The following PSORS1C1 variants were observed in gnomAD, a reference collection of about 807,000 sequenced individuals.
PSORS1C1 encodes psoriasis susceptibility 1 candidate gene 1 protein.
PSORS1C1 carries 7 observed loss-of-function variants against 9.4 expected under a neutral mutation model. That is an observed-to-expected ratio of 0.75 (90% CI 0.42 to 1.40). The LOEUF is 1.40. Among genes scored for constraint, PSORS1C1 ranks in the 40% most tolerant of loss-of-function variants. The pLI, the probability that PSORS1C1 is intolerant of heterozygous loss-of-function variation, is 0.01. For missense variants in PSORS1C1, 146 were observed against 178.1 expected (o/e 0.82, Z 1.02); for synonymous variants, 63 against 69.4 (o/e 0.91, Z 0.46).
intron 1 of PSORS1C1, among the ~76,000 whole-genome samples, chr6:31,123,908 G>C (rs917207715): frequency 1.3e-5 from 2 of 152,330 alleles, no homozygotes; most frequent in African/African-American, 4.8e-5. Context: ...TGGCTTCAGG[G>C]AGGTGGCAGG....
chr6:31,114,880 G>A lies in PSORS1C1; in HGVS notation c.-240G>A. On this transcript the variant is annotated 5_prime_UTR_variant, in exon 1 of 6. It removes an upstream start codon present in the reference 5' UTR. Coordinates refer to ENST00000259881, the MANE Select transcript of PSORS1C1 (RefSeq NM_014068.3). ...GAGACTCATGACTCCCAGAGAGGAT[G>A]GCATCTAGAAGGTGAGGAATGCTAA... 4.4e-6 allele frequency: 2 copies of A among 455,878 alleles called. No individual in the cohort carries two copies. The highest frequency in any genetic ancestry group is 8.8e-6 in the Non-Finnish European group (2 of 226,708). 28.2% of individuals were successfully genotyped at this position (455,878 alleles called of 1,614,324 possible).
intron 3 of PSORS1C1, chr6:31,138,205 G>A (rs1464993856): frequency 1.3e-6 from 2 of 1,572,014 alleles, no homozygotes; most frequent in Non-Finnish European, 1.7e-6. Context: ...CCTGGCCAAG[G>A]GTCACCGGGG....
chr6:31,116,725 T>C, intron 1 of PSORS1C1: 2 of 1,612,824 alleles, frequency 1.2e-6, no homozygotes, highest in Non-Finnish European at 1.7e-6. Flanking sequence ...ACCCACCACC[T>C]CGTAGCCACC....
In PSORS1C1 at chr6:31,139,936, T is replaced by C; in HGVS notation, c.*4T>C. On this transcript the variant is annotated 3_prime_UTR_variant, in exon 6 of 6. Transcript: ENST00000259881. This position sits in a 1 kb window ranked among gnomAD's most constrained non-coding sequence, Gnocchi z 5.2. ...TGGTCTCAGCTCCTTGATCTAAGCC[T>C]CCCAGAGAGACCCCTAGAACGTTTC... 1.2e-6 allele frequency: 2 copies of C among 1,604,960 alleles called. No homozygotes were observed. Among genetic ancestry groups the C allele is most frequent in the Non-Finnish European group, 1.7e-6 (2 of 1,174,880 alleles).
At chr6:31,117,207 G>T in intron 1 of PSORS1C1, 2 of 1,614,070 alleles carry the variant, frequency 1.2e-6, no homozygotes, top group Non-Finnish European at 1.7e-6. Flanking sequence ...GAGAGCTGCT[G>T]CTCCCCAGCT....
In PSORS1C1 at chr6:31,138,643, C is replaced by A. The variant is rs1463636565; in HGVS notation, c.44-13C>A. On this transcript the variant is annotated splice_polypyrimidine_tract_variant and intron_variant, in intron 4 of 5. Transcript: ENST00000259881. ...AACCTGCAACCCAAAGTGGGTTACA[C>A]CTTGGCCCCCAGGCACACAGACCCC... 2 of 1,613,148 alleles carry A rather than the reference C, an allele frequency of 1.2e-6. No individual in the cohort carries two copies. The highest frequency in any genetic ancestry group is 3.3e-5 in the Admixed American group (2 of 60,006).
At chr6:31,120,646 CG>C (rs947916329) in intron 1 of PSORS1C1, among the ~76,000 whole-genome samples, 24 of 152,100 alleles carry the variant, frequency 1.6e-4, no homozygotes, top group African/African-American at 5.3e-4. Context: ...CCCATGGCCA[CG>C]GGGCTCTAAC....
intron 1 of PSORS1C1, chr6:31,117,095 A>C (rs1314718706): frequency 6.2e-7 from 1 of 1,614,208 alleles, no homozygotes; most frequent in Non-Finnish European, 8.5e-7. Context: ...GGCAGAGCAG[A>C]GCCATTCCCT....
chr6:31,118,843 C>CTTCTTTTTTTTTT (rs750733706), intron 1 of PSORS1C1: 2 of 120,758 alleles, frequency 1.7e-5, no homozygotes, highest in African/African-American at 6.2e-5. Flanking sequence ...TCTTCTTCTT[C>CTTCTTTTTTTTTT]TTTTTTTTTT....
intron 3 of PSORS1C1, among the ~76,000 whole-genome samples, chr6:31,131,135 C>G (rs759845473): frequency 6.6e-6 from 1 of 152,166 alleles, no homozygotes; most frequent in Non-Finnish European, 1.5e-5. Flanking sequence ...ACCTGTCTCT[C>G]CAACATGTCT....
chr6:31,120,662 C>G (rs927939655), intron 1 of PSORS1C1, among the ~76,000 whole-genome samples: 1 of 152,146 alleles, frequency 6.6e-6, no homozygotes, highest in African/African-American at 2.4e-5. Context: ...TCTAACGATC[C>G]TGCCACCTGA....
intron 3 of PSORS1C1, among the ~76,000 whole-genome samples, chr6:31,137,143 T>A (rs1365853938): frequency 5.5e-5 from 7 of 126,746 alleles, no homozygotes; most frequent in African/African-American, 1.8e-4. Flanking sequence ...TGAGACTCCG[T>A]CTAAAAAAAA....
At position 31,120,395 on chromosome 6, in the gene PSORS1C1, T is replaced by A. The variant is rs778040184; in HGVS notation, c.-228-5281T>A. 10 of 1,591,990 alleles carry A rather than the reference T, an allele frequency of 6.3e-6. No homozygotes were observed. Among genetic ancestry groups the A allele is most frequent in the Non-Finnish European group, 8.5e-6 (10 of 1,170,050 alleles). On this transcript the variant is annotated intron_variant, in intron 1 of 5. Coordinates refer to ENST00000259881, the MANE Select transcript of PSORS1C1 (RefSeq NM_014068.3). ...ATCCCGTGCCCACCCACACGCCCCATCCAGGGTGCCCGAGACGAGCCCATC... is the reference window on the plus strand; with the variant it reads ...ATCCCGTGCCCACCCACACGCCCCAACCAGGGTGCCCGAGACGAGCCCATC...
chr6:31,117,447 G>A, intron 1 of PSORS1C1: 1 of 1,557,992 alleles, frequency 6.4e-7, no homozygotes, highest in Non-Finnish European at 8.7e-7. Context: ...CCTTCCCAGT[G>A]AGGCAGGGGT....
At chr6:31,126,408 C>T (rs184398091) in intron 2 of PSORS1C1, among the ~76,000 whole-genome samples, 3 of 152,312 alleles carry the variant, frequency 2.0e-5, no homozygotes, top group Non-Finnish European at 4.4e-5. Context: ...TGCAGCATAA[C>T]GAGTTGCCCC....
rs928109653 is a variant in PSORS1C1, at chr6:31,132,434, A to C, written c.13+2789A>C. Reference sequence around the variant, plus strand: ...CTACTCAGGAAGCAGAGGCAGGAGAATCGCTTGAACTCAGGAGGCGGAGAT... The same window carrying C: ...CTACTCAGGAAGCAGAGGCAGGAGACTCGCTTGAACTCAGGAGGCGGAGAT... On this transcript the variant is annotated intron_variant, in intron 3 of 5. Transcript: ENST00000259881. Among the ~76,000 whole-genome samples the C allele has an allele frequency of 2.4e-5, 3 of 126,684 alleles. 1 individual carries two copies. The Admixed American group carries it at 2.5e-4, about 11-fold the overall frequency. The allele number at this position is 126,684 out of a possible 152,430, so 83.1% of individuals were successfully genotyped here.
chr6:31,138,305 G>A, intron 3 of PSORS1C1, 125 bp from the exon 4 acceptor site: 1 of 1,597,964 alleles, frequency 6.3e-7, no homozygotes, highest in Non-Finnish European at 8.5e-7. Context: ...TGCCTGAGAT[G>A]CCTGTAAAGG....
intron 1 of PSORS1C1, among the ~76,000 whole-genome samples, chr6:31,124,061 G>C (rs879845005): frequency 2.6e-5 from 4 of 152,244 alleles, no homozygotes; most frequent in Non-Finnish European, 5.9e-5. Context: ...AGTGGTGTGG[G>C]AGAAGGGACA....
Position 31,115,895 on chromosome 6 carries a change from C to G in PSORS1C1, c.-229+1004C>G. 1 of 792,814 alleles carries G rather than the reference C, an allele frequency of 1.3e-6. No homozygotes were observed. Among genetic ancestry groups the G allele is most frequent in the South Asian group, 1.6e-5 (1 of 63,562 alleles). The allele number at this position is 792,814 out of a possible 1,614,324, so 49.1% of individuals were successfully genotyped here. On this transcript the variant is annotated intron_variant, in intron 1 of 5. Coordinates refer to ENST00000259881, the MANE Select transcript of PSORS1C1 (RefSeq NM_014068.3). The surrounding 1 kb of genome is among the most constrained non-coding windows in gnomAD (Gnocchi z 4.2). ...TGCAACCTTGGGGTAGTGGAGAAAGCAGAACCACTCTTTTGGGAAGGAGGG... is the reference window on the plus strand; with the variant it reads ...TGCAACCTTGGGGTAGTGGAGAAAGGAGAACCACTCTTTTGGGAAGGAGGG...
Sources: allele counts gnomAD v4.1 joint callset (sites outside exome capture counted in the v4.1 genomes callset), GRCh38; gene constraint gnomAD v4.1.1; non-coding constraint Gnocchi (gnomAD v3.1); transcripts MANE v1.5; gene names NCBI Gene and HGNC (gene_info 2026-07-23, HGNC 2026-07-21).